The following CAMKMT variants were observed in gnomAD, a reference collection of about 807,000 sequenced individuals.
CAMKMT encodes CaM KMT.
CAMKMT carries 53 observed loss-of-function variants against 48.0 expected under a neutral mutation model. The ratio of observed to expected loss-of-function variants is 1.10; its 90% confidence interval spans 0.89 to 1.39. The LOEUF (loss-of-function observed/expected upper bound fraction) is 1.39, where lower values mean the gene tolerates loss of function less well. Among genes scored for constraint, CAMKMT ranks in the 40% most tolerant of loss-of-function variants. The probability of loss-of-function intolerance (pLI) is 0.00; values close to 1 mark genes in which losing one functional copy is unlikely to be tolerated. For missense variants in CAMKMT, 428 were observed against 402.7 expected (o/e 1.06, Z -0.54); for synonymous variants, 165 against 152.3 (o/e 1.08, Z -0.61).
intron 3 of CAMKMT, among the ~76,000 whole-genome samples, chr2:44,573,063 T>C (rs1669010754): frequency 6.6e-6 from 1 of 152,178 alleles, no homozygotes; most frequent in Non-Finnish European, 1.5e-5. Flanking sequence ...AATCTTTTCA[T>C]GTGCTGCTAT....
chr2:44,490,650 G>T (rs1669451510), intron 3 of CAMKMT, among the ~76,000 whole-genome samples: 1 of 151,988 alleles, frequency 6.6e-6, no homozygotes, highest in Non-Finnish European at 1.5e-5. Flanking sequence ...AAGTACTCAT[G>T]TACTTGAAAG....
chr2:44,428,978 G>C (rs979007627), intron 3 of CAMKMT, among the ~76,000 whole-genome samples: 4 of 152,112 alleles, frequency 2.6e-5, no homozygotes, highest in African/African-American at 7.2e-5. Flanking sequence ...CATGCATTTG[G>C]GGGCTTTAAG....
intron 1 of CAMKMT, among the ~76,000 whole-genome samples, chr2:44,365,281 TTTATG>T (rs1678471725): frequency 1.3e-5 from 2 of 152,198 alleles, no homozygotes; most frequent in East Asian, 1.9e-4. Flanking sequence ...GGCCTTTTAC[TTTATG>T]TTAACTATTC....
At chr2:44,609,537 C>G (rs1467462858) in intron 3 of CAMKMT, among the ~76,000 whole-genome samples, 2 of 152,284 alleles carry the variant, frequency 1.3e-5, no homozygotes, top group Non-Finnish European at 2.9e-5. Flanking sequence ...GTGGCATAGA[C>G]TGCTACAAGG....
In CAMKMT at chr2:44,491,373, T is replaced by A. The variant is rs934428637; in HGVS notation, c.376+101068T>A. ...TTTTAATTATCATATGTGCCTAAAATTTTTTTAAATGCCAGTGGTAAAATA... is the reference window on the plus strand; with the variant it reads ...TTTTAATTATCATATGTGCCTAAAAATTTTTTAAATGCCAGTGGTAAAATA... On this transcript the variant is annotated intron_variant, in intron 3 of 10. Coordinates refer to ENST00000378494, the MANE Select transcript of CAMKMT (RefSeq NM_024766.5). Among the ~76,000 whole-genome samples, 4 of 152,124 alleles carry A rather than the reference T, an allele frequency of 2.6e-5. No homozygotes were observed. The East Asian group carries it at 7.7e-4, about 29-fold the overall frequency.
intron 3 of CAMKMT, among the ~76,000 whole-genome samples, chr2:44,654,456 T>C (rs1674257631): frequency 6.6e-6 from 1 of 152,202 alleles, no homozygotes; most frequent in Admixed American, 6.5e-5. Flanking sequence ...CAATTAGTTG[T>C]ATGCCCTTTA....
chr2:44,412,702 C>T (rs909698867), intron 3 of CAMKMT, among the ~76,000 whole-genome samples: 1 of 152,020 alleles, frequency 6.6e-6, no homozygotes, highest in Non-Finnish European at 1.5e-5. Context: ...TATTTTGACA[C>T]TGAATAAGTA....
At chr2:44,408,238 C>G (rs1298905159) in intron 3 of CAMKMT, among the ~76,000 whole-genome samples, 1 of 151,924 alleles carries the variant, frequency 6.6e-6, no homozygotes, top group Non-Finnish European at 1.5e-5. Flanking sequence ...ATTGGCTAGG[C>G]TGGTCTCGAT....
intron 3 of CAMKMT, among the ~76,000 whole-genome samples, chr2:44,622,579 T>C (rs577388770): frequency 6.6e-6 from 1 of 152,364 alleles, no homozygotes; most frequent in Admixed American, 6.5e-5. Flanking sequence ...CACTTATAAG[T>C]GAGAACATGC....
At chr2:44,491,330 A>T (rs1178949127) in intron 3 of CAMKMT, among the ~76,000 whole-genome samples, 1 of 152,124 alleles carries the variant, frequency 6.6e-6, no homozygotes, top group Non-Finnish European at 1.5e-5. Flanking sequence ...AAAATAATAA[A>T]ATTGAAAGTT....
At chr2:44,651,798 T>C (rs987399933) in intron 3 of CAMKMT, among the ~76,000 whole-genome samples, 1 of 152,336 alleles carries the variant, frequency 6.6e-6, no homozygotes, top group Admixed American at 6.5e-5. Context: ...TTACAATGAG[T>C]TTAAAATCCT....
chr2:44,585,987 C>T (rs1414103138), intron 3 of CAMKMT, among the ~76,000 whole-genome samples: 1 of 152,160 alleles, frequency 6.6e-6, no homozygotes, highest in East Asian at 1.9e-4. Flanking sequence ...TACAGGGAAG[C>T]TAGAGGGTCC....
intron 2 of CAMKMT, among the ~76,000 whole-genome samples, chr2:44,377,632 A>C (rs765768475): frequency 2.0e-5 from 3 of 152,216 alleles, no homozygotes; most frequent in Non-Finnish European, 4.4e-5. Context: ...TCTTAGGTAT[A>C]GAGAAAGCTG....
intron 3 of CAMKMT, among the ~76,000 whole-genome samples, chr2:44,517,545 G>A (rs1426625191): frequency 6.6e-6 from 1 of 152,184 alleles, no homozygotes; most frequent in African/African-American, 2.4e-5. Context: ...TCAACAGGGA[G>A]TGGTGCTTCT....
Position 44,653,091 on chromosome 2 carries a change from C to T in CAMKMT, c.377-51192C>T, listed in dbSNP as rs1465512401. Among the ~76,000 whole-genome samples the T allele has an allele frequency of 6.6e-6, 1 of 152,156 alleles. No homozygotes were observed. The highest frequency in any genetic ancestry group is 2.4e-5 in the African/African-American group (1 of 41,438). ...CTGGTCACTTGGCATATTCTGATTC[C>T]TCCCAGGACACATTGGCTAGTTTCT... On this transcript the variant is annotated intron_variant, in intron 3 of 10. Coordinates refer to ENST00000378494, the MANE Select transcript of CAMKMT (RefSeq NM_024766.5). The surrounding 1 kb of genome is among the most constrained non-coding windows in gnomAD (Gnocchi z 5.2).
chr2:44,432,048 A>T (rs1684682827), intron 3 of CAMKMT, among the ~76,000 whole-genome samples: 1 of 152,206 alleles, frequency 6.6e-6, no homozygotes, highest in Non-Finnish European at 1.5e-5. Context: ...GGCTTTCTTG[A>T]CAGCAAGGCC....
chr2:44,749,476 T>A (rs569624894), intron 8 of CAMKMT, among the ~76,000 whole-genome samples: 8 of 152,304 alleles, frequency 5.3e-5, no homozygotes, highest in African/African-American at 1.9e-4. Flanking sequence ...GAACTATTAA[T>A]AGTAAAGCAA....
chr2:44,486,191 T>G (rs1161415599), intron 3 of CAMKMT, among the ~76,000 whole-genome samples: 1 of 152,164 alleles, frequency 6.6e-6, no homozygotes. Flanking sequence ...GGCCTTGAAC[T>G]CCTGGCCTCA....
At chr2:44,517,208 C>CAAAA (rs1670875280) in intron 3 of CAMKMT, among the ~76,000 whole-genome samples, 1 of 151,638 alleles carries the variant, frequency 6.6e-6, no homozygotes, top group Non-Finnish European at 1.5e-5. Flanking sequence ...TTAAAGTGAC[C>CAAAA]AAAAATAATT....
Sources: gnomAD v4.1 joint callset for allele counts (sites outside exome capture counted in the v4.1 genomes callset) on GRCh38, gnomAD v4.1.1 for gene constraint, Gnocchi (gnomAD v3.1) non-coding constraint, MANE v1.5 for transcripts, NCBI Gene and HGNC (gene_info 2026-07-23, HGNC 2026-07-21) for gene names.